DRICH1: variants seen among roughly 807,000 people sequenced by gnomAD.
DRICH1 encodes the protein aspartate rich 1, also known as aspartate-rich protein 1.
In DRICH1, 38 loss-of-function variants were observed where a neutral mutation model predicts 39.5. The observed-to-expected ratio is 0.96, with a 90% CI of 0.74 to 1.26. DRICH1 has a LOEUF of 1.26. DRICH1 is among the 50% of genes most tolerant of loss of function. The pLI is 0.00. For synonymous variants in DRICH1, 84 were observed against 99.5 expected, an observed-to-expected ratio of 0.84 and a Z score of 0.93; for missense variants, 279 against 270.4, an observed-to-expected ratio of 1.03 and a Z score of -0.22.
In DRICH1 at chr22:23,622,186, C is replaced by G. The variant is rs2123785591; in HGVS notation, c.299-10G>C. The G allele has an allele frequency of 1.9e-6, 3 of 1,613,404 alleles. No homozygotes were observed. Among genetic ancestry groups the G allele is most frequent in the Non-Finnish European group, 2.5e-6 (3 of 1,179,344 alleles). ...TTGTCCTCAGAAGAACCTGGAAGGA[C>G]ACAGAGGAAAGATCCGTGCCCTGGT... On this transcript the variant is annotated splice_polypyrimidine_tract_variant and intron_variant, in intron 3 of 11. Coordinates refer to ENST00000317749, the MANE Select transcript of DRICH1 (RefSeq NM_016449.4).
chr22:23,590,338 T>C, the DRICH1 span, among the ~76,000 whole-genome samples: 1 of 149,346 alleles, frequency 6.7e-6, no homozygotes, highest in Admixed American at 6.8e-5. Flanking sequence ...AGTGCAGTGG[T>C]GTGGTCTCAG....
At chr22:23,602,709 TG>T in the DRICH1 span, among the ~76,000 whole-genome samples, 798 of 146,906 alleles carry the variant, frequency 5.4e-3, 3 homozygotes, top group African/African-American at 0.01. Context: ...TAGAGAAATT[TG>T]GGGGGGGGTG....
chr22:23,601,164 A>G, the DRICH1 span, among the ~76,000 whole-genome samples: 2 of 152,000 alleles, frequency 1.3e-5, no homozygotes, highest in African/African-American at 4.8e-5. Flanking sequence ...ACACACACAC[A>G]CACACACACA....
intron 1 of DRICH1, among the ~76,000 whole-genome samples, chr22:23,631,579 T>C (rs1171675093): frequency 3.9e-5 from 6 of 152,044 alleles, no homozygotes; most frequent in South Asian, 4.2e-4. Flanking sequence ...GACTCCAAAA[T>C]TGGGGTATTT....
At chr22:23,600,750 G>A in the DRICH1 span, among the ~76,000 whole-genome samples, 1 of 150,290 alleles carries the variant, frequency 6.7e-6, no homozygotes, top group Admixed American at 6.6e-5. Flanking sequence ...TCGGCCCACT[G>A]CAAGCTCTGC....
rs1384653275 is a variant in DRICH1, at chr22:23,626,011, T to C, written c.246A>G (p.Pro82=). 1.2e-6 allele frequency: 2 copies of C among 1,613,568 alleles called. No homozygotes were observed. Among genetic ancestry groups the C allele is most frequent in the Non-Finnish European group, 1.7e-6 (2 of 1,179,720 alleles). ...PEDRLSLKFL[P]SSEEDNDDAK... is the part of the protein sequence containing the mutation. Reference sequence around the variant, plus strand: ...CATCATCATTGTCTTCCTCACTTGATGGCAGAAATTTTAAACTCAGGCGGT... The same window carrying C: ...CATCATCATTGTCTTCCTCACTTGACGGCAGAAATTTTAAACTCAGGCGGT... Residue 82 remains proline (P), a synonymous_variant, in exon 2 of 12, where the codon CCA becomes CCG. Transcript: ENST00000317749.
chr22:23,608,674 T>C lies in DRICH1; in HGVS notation c.*90A>G. 2.3e-6 allele frequency: 3 copies of C among 1,289,908 alleles called. No homozygotes were observed. Among genetic ancestry groups the C allele is most frequent in the Non-Finnish European group, 3.3e-6 (3 of 910,130 alleles). 79.9% of individuals were successfully genotyped at this position (1,289,908 alleles called of 1,614,324 possible). A position where few individuals can be genotyped will look rare whatever the true frequency, so the allele number is the denominator to read the frequency against. ...AGTTTTCCTCAGAATGTAGAGAGGA[T>C]TGAGACCTCCAGGGGCAAAGCTGGG... On this transcript the variant is annotated 3_prime_UTR_variant, in exon 12 of 12. Transcript: ENST00000317749.
intron 2 of DRICH1, among the ~76,000 whole-genome samples, chr22:23,625,397 G>A (rs960448076): frequency 6.6e-6 from 1 of 151,966 alleles, no homozygotes; most frequent in Non-Finnish European, 1.5e-5. Flanking sequence ...TCTTGAACCA[G>A]TGTAGGTCAG....
the DRICH1 span, among the ~76,000 whole-genome samples, chr22:23,592,802 G>T: frequency 6.6e-6 from 1 of 150,546 alleles, no homozygotes; most frequent in African/African-American, 2.4e-5. Flanking sequence ...GACCAGCCTG[G>T]CCAACATGGT....
chr22:23,611,698 A>T (rs1213757808), intron 11 of DRICH1, among the ~76,000 whole-genome samples: 1 of 152,206 alleles, frequency 6.6e-6, no homozygotes, highest in Non-Finnish European at 1.5e-5. Context: ...GGTCAATGAC[A>T]GAACACATGT....
chr22:23,596,963 G>A, the DRICH1 span, among the ~76,000 whole-genome samples: 2 of 150,996 alleles, frequency 1.3e-5, no homozygotes, highest in Non-Finnish European at 2.9e-5. Context: ...CTATTATTGC[G>A]AAGCTGTCTG....
chr22:23,601,372 A>C, the DRICH1 span, among the ~76,000 whole-genome samples: 19 of 152,356 alleles, frequency 1.2e-4, no homozygotes, highest in African/African-American at 4.6e-4. Context: ...CCTAGTCAGC[A>C]TTAAAAATGA....
intron 2 of DRICH1, 143 bp from the exon 3 acceptor site, chr22:23,625,047 CATAG>C: frequency 1.1e-6 from 1 of 928,466 alleles, no homozygotes; most frequent in Non-Finnish European, 1.7e-6. Context: ...AACACTTTAG[CATAG>C]AGGACATGAG....
chr22:23,598,743 A>G, the DRICH1 span, among the ~76,000 whole-genome samples: 1 of 152,206 alleles, frequency 6.6e-6, no homozygotes, highest in East Asian at 1.9e-4. Context: ...GGAATGGTAA[A>G]GGGAGGTCAC....
At chr22:23,625,388 C>T (rs1927999331) in intron 2 of DRICH1, among the ~76,000 whole-genome samples, 1 of 151,962 alleles carries the variant, frequency 6.6e-6, no homozygotes, top group Non-Finnish European at 1.5e-5. Flanking sequence ...CACAAACTGT[C>T]TTGAACCAGT....
At chr22:23,592,745 A>G in the DRICH1 span, among the ~76,000 whole-genome samples, 1 of 151,546 alleles carries the variant, frequency 6.6e-6, no homozygotes, top group Admixed American at 6.6e-5. Context: ...TAATCCCAGC[A>G]CTTTGGGAGC....
the DRICH1 span, among the ~76,000 whole-genome samples, chr22:23,595,931 C>T: frequency 2.0e-4 from 31 of 152,338 alleles, no homozygotes; most frequent in African/African-American, 7.5e-4. Flanking sequence ...AGCATCATTG[C>T]TGGCCAGGGG....
At chr22:23,591,560 G>A in the DRICH1 span, among the ~76,000 whole-genome samples, 20 of 152,246 alleles carry the variant, frequency 1.3e-4, no homozygotes, top group Admixed American at 1.2e-3. Flanking sequence ...TATGAAGTGA[G>A]CTTCCCTCAA....
chr22:23,600,938 C>T, the DRICH1 span, among the ~76,000 whole-genome samples: 28 of 152,144 alleles, frequency 1.8e-4, no homozygotes, highest in Admixed American at 1.6e-3. Context: ...TCCCAAAGTG[C>T]TGGGATTACA....
Sources: allele counts gnomAD v4.1 joint callset (sites outside exome capture counted in the v4.1 genomes callset), GRCh38; gene constraint gnomAD v4.1.1; transcripts MANE v1.5; gene names NCBI Gene and HGNC (gene_info 2026-07-23, HGNC 2026-07-21).